CACNA1E: variants seen among roughly 807,000 people sequenced by gnomAD.
CACNA1E encodes the protein calcium voltage-gated channel subunit alpha1 E.
Under a neutral mutation model 259.2 loss-of-function variants are expected in CACNA1E, and 40 were observed. The ratio of observed to expected loss-of-function variants is 0.15; its 90% confidence interval spans 0.12 to 0.20. CACNA1E has a LOEUF of 0.20. Among genes scored for constraint, CACNA1E ranks in the 10% least tolerant of loss-of-function variants. CACNA1E has a pLI of 1.00. For synonymous variants in CACNA1E, 1,104 were observed against 1,138.5 expected (o/e 0.97, Z 0.61); for missense variants, 1,874 against 3,040.1 (o/e 0.62, Z 9.02).
rs1662597170 is a variant in CACNA1E, at chr1:181,805,990, G to T, written c.*7156G>T. On this transcript the variant is annotated 3_prime_UTR_variant, in exon 48 of 48. Coordinates refer to ENST00000367573, the MANE Select transcript of CACNA1E (RefSeq NM_001205293.3). ...AATATGGGTAAACTTCTTAGCACAAGACTGGATTAAGAGAAGTTCTTTCTG... is the reference window on the plus strand; with the variant it reads ...AATATGGGTAAACTTCTTAGCACAATACTGGATTAAGAGAAGTTCTTTCTG... 6.6e-6 allele frequency: 1 copy of T among 152,224 alleles called. No individual in the cohort carries two copies. Among genetic ancestry groups the T allele is most frequent in the Admixed American group, 6.5e-5 (1 of 15,278 alleles). The allele number at this position is 152,224 out of a possible 1,614,324, so 9.4% of individuals were successfully genotyped here. A position where few individuals can be genotyped will look rare whatever the true frequency, so the allele number is the denominator to read the frequency against.
chr1:181,683,164 C>G (rs1650162834), intron 7 of CACNA1E, among the ~76,000 whole-genome samples: 1 of 152,182 alleles, frequency 6.6e-6, no homozygotes, highest in Non-Finnish European at 1.5e-5. Context: ...GCAAGGGCAT[C>G]TTATGCATCT....
intron 26 of CACNA1E, among the ~76,000 whole-genome samples, chr1:181,750,874 T>C (rs955827616): frequency 6.6e-6 from 1 of 152,128 alleles, no homozygotes; most frequent in African/African-American, 2.4e-5. Context: ...AAGAGAGTCT[T>C]AAAATAAACA....
At chr1:181,613,548 G>A (rs539697479) in intron 6 of CACNA1E, among the ~76,000 whole-genome samples, 125 of 152,196 alleles carry the variant, frequency 8.2e-4, no homozygotes, top group Non-Finnish European at 1.3e-3. Context: ...CTGAGGAGGA[G>A]GAGGTTCTTG....
intron 7 of CACNA1E, among the ~76,000 whole-genome samples, chr1:181,697,703 A>G (rs916307554): frequency 5.3e-5 from 8 of 152,266 alleles, no homozygotes; most frequent in Non-Finnish European, 1.0e-4. Flanking sequence ...ATCAATTTTT[A>G]TTCTTACATT....
chr1:181,743,954 G>A (rs1264213931), intron 25 of CACNA1E, among the ~76,000 whole-genome samples: 3 of 152,206 alleles, frequency 2.0e-5, no homozygotes, highest in African/African-American at 7.2e-5. Context: ...GCTCTCTGGC[G>A]GCTGACGCCA....
At chr1:181,788,241 G>A (rs1391814939) in intron 43 of CACNA1E, among the ~76,000 whole-genome samples, 1 of 152,152 alleles carries the variant, frequency 6.6e-6, no homozygotes, top group East Asian at 1.9e-4. Context: ...AAGGATTCTG[G>A]GTGAAGCCTT....
At chr1:181,338,209 A>C (rs4652649) in intron 1 of CACNA1E, among the ~76,000 whole-genome samples, 77,982 of 151,946 alleles carry the variant, frequency 0.51, 20,378 homozygotes, top group Non-Finnish European at 0.56. Context: ...CCTCAGGCTA[A>C]CAAGTAGCTG....
intron 15 of CACNA1E, 109 bp downstream of exon 15, chr1:181,720,964 T>C: frequency 1.4e-6 from 1 of 727,970 alleles, no homozygotes; most frequent in Non-Finnish European, 2.4e-6. Context: ...TCCAGGCTCC[T>C]CCCAGGGGAT....
At chr1:181,653,715 C>T (rs1196510180) in intron 7 of CACNA1E, among the ~76,000 whole-genome samples, 1 of 152,294 alleles carries the variant, frequency 6.6e-6, no homozygotes, top group Non-Finnish European at 1.5e-5. Flanking sequence ...TTTTATAAGG[C>T]CACTTGTCAT....
chr1:181,631,373 C>CT (rs1376401266), intron 6 of CACNA1E, among the ~76,000 whole-genome samples: 1 of 80,328 alleles, frequency 1.2e-5, no homozygotes, highest in Non-Finnish European at 3.0e-5. Context: ...CTCTAAATGT[C>CT]TTTTTTCTTG....
intron 2 of CACNA1E, among the ~76,000 whole-genome samples, chr1:181,424,098 CAT>C (rs763249802): frequency 1.3e-5 from 2 of 152,154 alleles, no homozygotes; most frequent in Non-Finnish European, 2.9e-5. Flanking sequence ...GAAACCAAAA[CAT>C]ATGCCAGTGG....
At chr1:181,362,632 G>C (rs1218868468) in intron 1 of CACNA1E, among the ~76,000 whole-genome samples, 1 of 152,182 alleles carries the variant, frequency 6.6e-6, no homozygotes, top group African/African-American at 2.4e-5. Flanking sequence ...TTATTCTCCT[G>C]GGATACCTGA....
intron 2 of CACNA1E, among the ~76,000 whole-genome samples, chr1:181,473,578 C>G (rs1662657837): frequency 6.6e-6 from 1 of 151,228 alleles, no homozygotes. Flanking sequence ...GCCATTTTTG[C>G]ATGTAAGGAT....
Position 181,623,164 on chromosome 1 carries a change from T to G in CACNA1E, c.952-28174T>G, listed in dbSNP as rs76395440. Among the ~76,000 whole-genome samples the G allele has an allele frequency of 6.6e-4, 100 of 152,274 alleles. 1 individual carries two copies. The highest frequency in any genetic ancestry group is 2.3e-3 in the African/African-American group (97 of 41,558). ...CAATTATGCAACCCCTCAGTTAAAA[T>G]CGCCATCTCCAGAAGGCTCTCCCTA... On this transcript the variant is annotated intron_variant, in intron 6 of 47. Coordinates refer to ENST00000367573, the MANE Select transcript of CACNA1E (RefSeq NM_001205293.3).
chr1:181,491,758 G>C (rs1664334110), intron 1 of CACNA1E, among the ~76,000 whole-genome samples: 1 of 152,232 alleles, frequency 6.6e-6, no homozygotes, highest in Admixed American at 6.5e-5. Context: ...TTATCACTGA[G>C]AGCAGGCTCT....
Position 181,771,393 on chromosome 1 carries a change from A to T in CACNA1E, c.4973+9A>T, listed in dbSNP as rs747797244. 9 of 1,492,888 alleles carry T rather than the reference A, an allele frequency of 6.0e-6. No individual in the cohort carries two copies. The East Asian group carries it at 2.1e-4, about 34-fold the overall frequency. 92.5% of individuals were successfully genotyped at this position (1,492,888 alleles called of 1,614,324 possible). ...CTAATGCTACTCTTCAGGTACCTGG[A>T]TGCGTAACTGTCATAGCTGGGGTTC... On this transcript the variant is annotated intron_variant, in intron 36 of 47. Coordinates refer to ENST00000367573, the MANE Select transcript of CACNA1E (RefSeq NM_001205293.3).
At chr1:181,486,048 G>A (rs958193716) in intron 1 of CACNA1E, among the ~76,000 whole-genome samples, 2 of 152,242 alleles carry the variant, frequency 1.3e-5, no homozygotes, top group African/African-American at 4.8e-5. Flanking sequence ...TACACCACGT[G>A]GTCACCTTTT....
chr1:181,568,433 C>T (rs1316254609), intron 3 of CACNA1E, among the ~76,000 whole-genome samples: 1 of 152,176 alleles, frequency 6.6e-6, no homozygotes, highest in Admixed American at 6.5e-5. Flanking sequence ...CAGGAAAATT[C>T]TTTTGAGCTT....
At chr1:181,429,961 G>C (rs896165531) in intron 2 of CACNA1E, among the ~76,000 whole-genome samples, 1 of 152,206 alleles carries the variant, frequency 6.6e-6, no homozygotes, top group Non-Finnish European at 1.5e-5. Flanking sequence ...TGCTCATGGG[G>C]CCTGCCCAGC....
Sources: gnomAD v4.1 joint callset for allele counts (sites outside exome capture counted in the v4.1 genomes callset) on GRCh38, gnomAD v4.1.1 for gene constraint, MANE v1.5 for transcripts, NCBI Gene and HGNC (gene_info 2026-07-23, HGNC 2026-07-21) for gene names.